The following PLCXD3 variants were observed in gnomAD, a reference collection of about 807,000 sequenced individuals.
The protein encoded by PLCXD3 is PI-PLC X domain-containing protein 3.
A neutral mutation model predicts 25.5 loss-of-function variants in PLCXD3; 19 were observed. The observed-to-expected ratio is 0.75, with a 90% CI of 0.52 to 1.09. The LOEUF is 1.09. Ranked by LOEUF, PLCXD3 falls within the 50% of genes least tolerant of loss-of-function variation. The probability of loss-of-function intolerance (pLI) is 0.00; values close to 1 mark genes in which losing one functional copy is unlikely to be tolerated. For missense variants in PLCXD3, 411 were observed against 388.1 expected, an observed-to-expected ratio of 1.06 and a Z score of -0.50; for synonymous variants, 174 against 137.6, an observed-to-expected ratio of 1.26 and a Z score of -1.85.
At chr5:41,404,199 G>A (rs1043077440) in intron 1 of PLCXD3, among the ~76,000 whole-genome samples, 40 of 152,006 alleles carry the variant, frequency 2.6e-4, no homozygotes, top group Non-Finnish European at 2.5e-4. Flanking sequence ...TTTAATACTC[G>A]AGGATCATCA....
intron 2 of PLCXD3, among the ~76,000 whole-genome samples, chr5:41,368,817 C>A (rs1026418889): frequency 2.0e-5 from 3 of 152,248 alleles, no homozygotes; most frequent in Admixed American, 6.5e-5. Flanking sequence ...GTCTTTAGTT[C>A]TTTTTCACAT....
At chr5:41,376,069 C>T (rs951449599) in intron 2 of PLCXD3, among the ~76,000 whole-genome samples, 2 of 152,064 alleles carry the variant, frequency 1.3e-5, no homozygotes, top group Non-Finnish European at 2.9e-5. Context: ...CAGTTGTCTT[C>T]CTTTGCCCAG....
Position 41,378,541 on chromosome 5 carries a change from T to C in PLCXD3, c.812+3285A>G, listed in dbSNP as rs1054094063. On this transcript the variant is annotated intron_variant, in intron 2 of 2. Coordinates refer to ENST00000377801, the MANE Select transcript of PLCXD3 (RefSeq NM_001005473.3). ...AATGATACAACTCTACTATTCCAGA[T>C]ACATAAGCTAGAGGCAAGTAGGAAG... Among the ~76,000 whole-genome samples, 8 of 152,220 alleles carry C rather than the reference T, an allele frequency of 5.3e-5. No individual in the cohort carries two copies. In the South Asian group the frequency reaches 1.7e-3, roughly 32 times the overall value.
At chr5:41,381,426 C>A (rs1350620089) in intron 2 of PLCXD3, among the ~76,000 whole-genome samples, 1 of 152,024 alleles carries the variant, frequency 6.6e-6, no homozygotes, top group African/African-American at 2.4e-5. Context: ...GGCCCTAATT[C>A]AATATGACTG....
intron 2 of PLCXD3, among the ~76,000 whole-genome samples, chr5:41,347,305 T>A (rs1744329208): frequency 6.6e-6 from 1 of 152,238 alleles, no homozygotes; most frequent in Admixed American, 6.5e-5. Flanking sequence ...TAGAAAAAAA[T>A]TCTTTACCTA....
At chr5:41,459,603 A>G (rs770988499) in intron 1 of PLCXD3, among the ~76,000 whole-genome samples, 33 of 151,804 alleles carry the variant, frequency 2.2e-4, no homozygotes, top group Admixed American at 6.6e-4. Flanking sequence ...CAGAATATTA[A>G]TAAAATTTCA....
intron 1 of PLCXD3, among the ~76,000 whole-genome samples, chr5:41,487,055 G>T (rs934435120): frequency 2.6e-5 from 4 of 151,900 alleles, no homozygotes; most frequent in African/African-American, 9.7e-5. Context: ...TTTTCTGAAG[G>T]CACGGTCCAA....
At chr5:41,351,566 A>G (rs1009906101) in intron 2 of PLCXD3, among the ~76,000 whole-genome samples, 4 of 152,318 alleles carry the variant, frequency 2.6e-5, no homozygotes, top group African/African-American at 9.6e-5. Context: ...TGAAAGCCCA[A>G]GGGCCTGGAT....
At chr5:41,377,563 G>A (rs1215615731) in intron 2 of PLCXD3, among the ~76,000 whole-genome samples, 2 of 151,948 alleles carry the variant, frequency 1.3e-5, no homozygotes, top group African/African-American at 4.8e-5. Context: ...GGGGTGAGGT[G>A]CAAAAACTGG....
At chr5:41,422,471 A>G (rs1746850864) in intron 1 of PLCXD3, among the ~76,000 whole-genome samples, 1 of 152,186 alleles carries the variant, frequency 6.6e-6, no homozygotes, top group Non-Finnish European at 1.5e-5. Flanking sequence ...ACCTTAGTCC[A>G]AATTGCCTTG....
chr5:41,502,887 A>G (rs4559040), intron 1 of PLCXD3, among the ~76,000 whole-genome samples: 33,093 of 152,138 alleles, frequency 0.22, 3,567 homozygotes, highest in East Asian at 0.28. Context: ...AAATGAGGAC[A>G]TGAAAGGGTG....
chr5:41,464,777 A>G (rs1407784611), intron 1 of PLCXD3, among the ~76,000 whole-genome samples: 1 of 151,962 alleles, frequency 6.6e-6, no homozygotes, highest in African/African-American at 2.4e-5. Flanking sequence ...TCCTTTCTGA[A>G]TTCATAGCAT....
At chr5:41,505,824 A>C (rs1022880988) in intron 1 of PLCXD3, among the ~76,000 whole-genome samples, 4 of 152,236 alleles carry the variant, frequency 2.6e-5, no homozygotes, top group African/African-American at 9.6e-5. Context: ...AGTTATCAGA[A>C]ATGTCCCTAA....
intron 1 of PLCXD3, among the ~76,000 whole-genome samples, chr5:41,411,928 C>CTCCATATATATGTATCCATATATATGTA (rs1327318803): frequency 2.0e-3 from 7 of 3,462 alleles, no homozygotes; most frequent in South Asian, 4.6e-3. Context: ...ATATATATAT[C>CTCCATATATATGTATCCATATATATGTA]TCCATATATA....
At chr5:41,471,104 G>T (rs577874476) in intron 1 of PLCXD3, among the ~76,000 whole-genome samples, 1 of 152,118 alleles carries the variant, frequency 6.6e-6, no homozygotes, top group African/African-American at 2.4e-5. Context: ...AGGGGAGAGG[G>T]GTAGAACAAG....
At chr5:41,452,561 A>C (rs934444833) in intron 1 of PLCXD3, among the ~76,000 whole-genome samples, 2 of 152,000 alleles carry the variant, frequency 1.3e-5, no homozygotes, top group African/African-American at 4.8e-5. Flanking sequence ...AAAAGTGTAA[A>C]AATTCTGTCA....
chr5:41,315,426 C>A (rs1178775781), intron 2 of PLCXD3, among the ~76,000 whole-genome samples: 1 of 150,542 alleles, frequency 6.6e-6, no homozygotes, highest in Non-Finnish European at 1.5e-5. Context: ...AAAAAAAAAA[C>A]CCAGACAATA....
chr5:41,493,118 G>A (rs1408013608), intron 1 of PLCXD3, among the ~76,000 whole-genome samples: 2 of 152,124 alleles, frequency 1.3e-5, no homozygotes, highest in African/African-American at 4.8e-5. Flanking sequence ...TGGTGTGGAT[G>A]TCCTTTCTGT....
At chr5:41,465,883 T>C (rs1748007879) in intron 1 of PLCXD3, among the ~76,000 whole-genome samples, 1 of 152,134 alleles carries the variant, frequency 6.6e-6, no homozygotes, top group Non-Finnish European at 1.5e-5. Context: ...GAATATAATC[T>C]GCTATGAAAT....
Sources: allele counts gnomAD v4.1 joint callset (sites outside exome capture counted in the v4.1 genomes callset), GRCh38; gene constraint gnomAD v4.1.1; transcripts MANE v1.5; gene names NCBI Gene and HGNC (gene_info 2026-07-23, HGNC 2026-07-21).